The following RBFOX3 variants were observed in gnomAD, a reference collection of about 807,000 sequenced individuals.
The protein encoded by RBFOX3 is RNA binding fox-1 homolog 3.
A neutral mutation model predicts 48.7 loss-of-function variants in RBFOX3; 17 were observed. The ratio of observed to expected loss-of-function variants is 0.35; its 90% CI spans 0.24 to 0.52. The LOEUF (loss-of-function observed/expected upper bound fraction) is 0.52. RBFOX3 is among the 20% of genes least tolerant of loss of function. The pLI is 0.94. For synonymous variants in RBFOX3, 212 were observed against 209.5 expected, an observed-to-expected ratio of 1.01 and a Z score of -0.10; for missense variants, 382 against 497.5, an observed-to-expected ratio of 0.77 and a Z score of 2.21.
chr17:79,442,222 A>G (rs1598714514), intron 2 of RBFOX3, among the ~76,000 whole-genome samples: 1 of 22,980 alleles, frequency 4.4e-5, no homozygotes, highest in Non-Finnish European at 8.2e-5. Context: ...GGGGAGAGAG[A>G]GAGAGAGAGA....
chr17:79,574,236 G>A (rs1321921584), intron 1 of RBFOX3, among the ~76,000 whole-genome samples: 2 of 152,206 alleles, frequency 1.3e-5, no homozygotes, highest in East Asian at 1.9e-4. Context: ...CTTGAATAGG[G>A]GCTGGGCAGA....
intron 2 of RBFOX3, among the ~76,000 whole-genome samples, chr17:79,420,840 C>T (rs573131872): frequency 1.4e-4 from 22 of 152,310 alleles, no homozygotes; most frequent in South Asian, 8.3e-4. Context: ...TCAGGGTCTT[C>T]GTCTAGCCAG....
intron 3 of RBFOX3, among the ~76,000 whole-genome samples, chr17:79,275,070 C>A (rs1487397055): frequency 1.3e-5 from 2 of 149,236 alleles, no homozygotes; most frequent in East Asian, 4.1e-4. Context: ...ACCCGGCCTT[C>A]CTGAGCCAGC....
In RBFOX3 at chr17:79,358,453, T is replaced by C. The variant is rs183454119; in HGVS notation, c.-174-50629A>G. On this transcript the variant is annotated intron_variant, in intron 2 of 14. Transcript: ENST00000693108. The stretch of plus-strand genomic sequence containing the variant: ...CTCAAGTCTACACTTCCTCTCATTT[T>C]TCTTTTCTTTCTTTTTCTCTTTTTT... Among the ~76,000 whole-genome samples, 391 of 152,256 alleles carry C rather than the reference T, an allele frequency of 2.6e-3. 4 individuals carry two copies. Among genetic ancestry groups the C allele is most frequent in the Non-Finnish European group, 7.6e-4 (52 of 68,034 alleles).
At position 79,363,203 on chromosome 17, in the gene RBFOX3, G is replaced by C. The variant is rs1027373184; in HGVS notation, c.-174-55379C>G. On this transcript the variant is annotated intron_variant, in intron 2 of 14. Coordinates refer to ENST00000693108, the MANE Select transcript of RBFOX3 (RefSeq NM_001350451.2). This position sits in a 1 kb window ranked among gnomAD's most constrained non-coding sequence, Gnocchi z 4.7. ...TCCTGCACTCCTGAGCGTGGCCAGG[G>C]GTTCTGTAGTGCCAGCAAGGCTGAT... is the stretch of plus-strand genomic sequence containing the variant. Among the ~76,000 whole-genome samples the C allele has an allele frequency of 1.3e-5, 2 of 152,178 alleles. No homozygotes were observed. Among genetic ancestry groups the C allele is most frequent in the Admixed American group, 6.5e-5 (1 of 15,284 alleles).
At position 79,480,860 on chromosome 17, in the gene RBFOX3, A is replaced by G. The variant is rs2078677806; in HGVS notation, c.-175+1594T>C. The stretch of plus-strand genomic sequence containing the variant: ...GCGTTATGGCGCCTGACATACATTT[A>G]TTCGCCATGTCCCTGCTAAAATATA... On this transcript the variant is annotated intron_variant, in intron 2 of 14. Coordinates refer to ENST00000693108, the MANE Select transcript of RBFOX3 (RefSeq NM_001350451.2). This position sits in a 1 kb window ranked among gnomAD's most constrained non-coding sequence, Gnocchi z 4.8. Among the ~76,000 whole-genome samples the G allele has an allele frequency of 6.6e-6, 1 of 152,160 alleles. No homozygotes were observed. Among genetic ancestry groups the G allele is most frequent in the Admixed American group, 6.5e-5 (1 of 15,286 alleles).
intron 1 of RBFOX3, among the ~76,000 whole-genome samples, chr17:79,552,060 C>T (rs933250944): frequency 3.9e-5 from 6 of 152,120 alleles, no homozygotes; most frequent in Admixed American, 6.6e-5. Flanking sequence ...ATGATGCTGA[C>T]GTTGGTCCAA....
intron 2 of RBFOX3, among the ~76,000 whole-genome samples, chr17:79,459,592 G>A (rs782420246): frequency 4.6e-5 from 7 of 152,140 alleles, no homozygotes; most frequent in Non-Finnish European, 8.8e-5. Context: ...TCCCCTGGAA[G>A]TCAAGTCCAC....
intron 2 of RBFOX3, among the ~76,000 whole-genome samples, chr17:79,323,990 G>A (rs1350947396): frequency 1.3e-5 from 2 of 152,212 alleles, no homozygotes; most frequent in African/African-American, 4.8e-5. Context: ...GTGCTTCTGT[G>A]GTGTTGGGTG....
chr17:79,094,174 G>C (rs2074647947), intron 14 of RBFOX3: 2 of 416,120 alleles, frequency 4.8e-6, no homozygotes, highest in East Asian at 3.6e-5. Context: ...ATTATAGTGA[G>C]GGAGCTCAGG....
chr17:79,509,421 A>G (rs1470989848), intron 1 of RBFOX3, among the ~76,000 whole-genome samples: 1 of 151,476 alleles, frequency 6.6e-6, no homozygotes, highest in Admixed American at 6.6e-5. Context: ...CTCTGCGGGT[A>G]TATTTGTTCA....
intron 3 of RBFOX3, among the ~76,000 whole-genome samples, chr17:79,265,561 T>C (rs762096148): frequency 1.1e-4 from 17 of 152,232 alleles, no homozygotes; most frequent in African/African-American, 1.7e-4. Flanking sequence ...GATTTCCTTT[T>C]AGATATGTGT....
At chr17:79,124,658 G>A (rs574805309) in intron 4 of RBFOX3, among the ~76,000 whole-genome samples, 743 of 1,510 alleles carry the variant, frequency 0.49, 10 homozygotes, top group African/African-American at 0.51. Flanking sequence ...AAGGTGTTGC[G>A]GGGGTGGGTG....
At chr17:79,510,881 G>T (rs1318740797) in intron 1 of RBFOX3, among the ~76,000 whole-genome samples, 4 of 152,090 alleles carry the variant, frequency 2.6e-5, no homozygotes, top group African/African-American at 9.7e-5. Context: ...ACCTTCCCCT[G>T]GGCCAAAGTG....
chr17:79,107,474 C>T (rs1016553049), intron 5 of RBFOX3, among the ~76,000 whole-genome samples: 16 of 152,366 alleles, frequency 1.1e-4, no homozygotes, highest in Non-Finnish European at 8.8e-5. Context: ...TGGCCCCCAG[C>T]TCGCTGTGAG....
Position 79,212,638 on chromosome 17 carries a change from G to A in RBFOX3, c.-34+23128C>T, listed in dbSNP as rs573371937. ...TTCCCCAGCCCTGGAGGGCCTCCCCGTAATTGCAGGCCTTACTCTCTCTGC... is the reference window on the plus strand; with the variant it reads ...TTCCCCAGCCCTGGAGGGCCTCCCCATAATTGCAGGCCTTACTCTCTCTGC... On this transcript the variant is annotated intron_variant, in intron 4 of 14. Coordinates refer to ENST00000693108, the MANE Select transcript of RBFOX3 (RefSeq NM_001350451.2). The surrounding 1 kb of genome is among the most constrained non-coding windows in gnomAD (Gnocchi z 4.7). Among the ~76,000 whole-genome samples, 5 of 152,294 alleles carry A rather than the reference G, an allele frequency of 3.3e-5. No individual in the cohort carries two copies. The South Asian group carries it at 6.2e-4, about 19-fold the overall frequency.
At chr17:79,140,053 C>A (rs568934541) in intron 4 of RBFOX3, among the ~76,000 whole-genome samples, 1 of 152,224 alleles carries the variant, frequency 6.6e-6, no homozygotes. Context: ...CAGGCCACCC[C>A]GCCCTGTGGC....
chr17:79,643,628 CAAT>C, the RBFOX3 span, among the ~76,000 whole-genome samples: 1 of 151,942 alleles, frequency 6.6e-6, no homozygotes, highest in African/African-American at 2.4e-5. Flanking sequence ...AAATTGATGA[CAAT>C]AAGATATATG....
intron 4 of RBFOX3, among the ~76,000 whole-genome samples, chr17:79,118,429 G>C (rs1280140167): frequency 6.6e-6 from 1 of 152,110 alleles, no homozygotes; most frequent in Non-Finnish European, 1.5e-5. Context: ...GGGAAGGGGT[G>C]GATCCATGAG....
Sources: allele counts gnomAD v4.1 joint callset (sites outside exome capture counted in the v4.1 genomes callset), GRCh38; gene constraint gnomAD v4.1.1; non-coding constraint Gnocchi (gnomAD v3.1); transcripts MANE v1.5; gene names NCBI Gene and HGNC (gene_info 2026-07-23, HGNC 2026-07-21).